MAGI1: variants seen among roughly 807,000 people sequenced by gnomAD.
MAGI1 encodes membrane associated guanylate kinase, WW and PDZ domain containing 1.
MAGI1 carries 58 observed loss-of-function variants against 139.9 expected under a neutral mutation model. The ratio of observed to expected loss-of-function variants is 0.41; its 90% confidence interval spans 0.34 to 0.52. MAGI1 has a LOEUF of 0.52. Among genes scored for constraint, MAGI1 ranks in the 20% least tolerant of loss-of-function variants. The pLI, the probability that MAGI1 is intolerant of heterozygous loss-of-function variation, is 0.12. For synonymous variants in MAGI1, 812 were observed against 737.9 expected, an observed-to-expected ratio of 1.10 and a Z score of -1.63; for missense variants, 1,874 against 1,901.6, an observed-to-expected ratio of 0.99 and a Z score of 0.27.
chr3:65,688,291 G>T, intron 1 of MAGI1: 1 of 831,448 alleles, frequency 1.2e-6, no homozygotes, highest in Non-Finnish European at 2.0e-6. Flanking sequence ...AAGATCCTTG[G>T]CCAGGAGGGT....
chr3:65,735,356 C>CATGTGTGTGT (rs1553699336), intron 1 of MAGI1, among the ~76,000 whole-genome samples: 24 of 148,180 alleles, frequency 1.6e-4, no homozygotes, highest in African/African-American at 5.3e-4. Context: ...TGTGTCTGCA[C>CATGTGTGTGT]GTGTGTGTGT....
intron 12 of MAGI1, among the ~76,000 whole-genome samples, chr3:65,402,454 C>A (rs78026541): frequency 6.6e-6 from 1 of 152,096 alleles, no homozygotes; most frequent in South Asian, 2.1e-4. Context: ...GAAAATAAAG[C>A]GTACACTGGT....
intron 1 of MAGI1, among the ~76,000 whole-genome samples, chr3:65,951,032 GAA>G (rs879894085): frequency 0.047 from 3,558 of 75,510 alleles, 333 homozygotes; most frequent in Middle Eastern, 0.083. Context: ...AGGAAGGAAG[GAA>G]GGAAAGGAGG....
intron 1 of MAGI1, chr3:65,687,551 G>A (rs1272170320): frequency 1.6e-5 from 6 of 373,550 alleles, no homozygotes; most frequent in Admixed American, 3.7e-5. Context: ...AATAAACAAT[G>A]TGATTGACAA....
chr3:65,955,194 T>C (rs1326671347), intron 1 of MAGI1, among the ~76,000 whole-genome samples: 1 of 152,122 alleles, frequency 6.6e-6, no homozygotes, highest in Non-Finnish European at 1.5e-5. Flanking sequence ...TAGAGGTAAA[T>C]AACTTTTTAA....
intron 2 of MAGI1, among the ~76,000 whole-genome samples, chr3:65,589,648 G>T (rs961925103): frequency 2.0e-5 from 3 of 151,940 alleles, no homozygotes; most frequent in African/African-American, 7.3e-5. Flanking sequence ...GGCTTTGGAG[G>T]CTGTGTAGTC....
intron 1 of MAGI1, among the ~76,000 whole-genome samples, chr3:65,919,461 G>A (rs1056181298): frequency 2.6e-5 from 4 of 151,824 alleles, no homozygotes; most frequent in Non-Finnish European, 5.9e-5. Context: ...TACTTGGGAG[G>A]CTAAGGGGGA....
intron 1 of MAGI1, among the ~76,000 whole-genome samples, chr3:65,810,888 T>G (rs1449836184): frequency 6.6e-6 from 1 of 152,212 alleles, no homozygotes; most frequent in Non-Finnish European, 1.5e-5. Flanking sequence ...GATTACATAT[T>G]TCAGGAGGGC....
intron 1 of MAGI1, among the ~76,000 whole-genome samples, chr3:65,739,072 T>C (rs1322213028): frequency 6.6e-6 from 1 of 152,234 alleles, no homozygotes; most frequent in Non-Finnish European, 1.5e-5. Context: ...ATTCTTCCAA[T>C]AGAAGGCTGT....
At chr3:65,472,580 A>G (rs1465848728) in intron 4 of MAGI1, among the ~76,000 whole-genome samples, 1 of 152,174 alleles carries the variant, frequency 6.6e-6, no homozygotes, top group Non-Finnish European at 1.5e-5. Context: ...TGAACCTGTC[A>G]TTTTCCAGAA....
At chr3:65,784,901 G>T (rs1260210483) in intron 1 of MAGI1, among the ~76,000 whole-genome samples, 1 of 152,152 alleles carries the variant, frequency 6.6e-6, no homozygotes, top group Non-Finnish European at 1.5e-5. Flanking sequence ...GAAATGTCCA[G>T]AATAGGCAAA....
intron 2 of MAGI1, among the ~76,000 whole-genome samples, chr3:65,609,228 G>C (rs1352278345): frequency 6.6e-6 from 1 of 152,052 alleles, no homozygotes; most frequent in Non-Finnish European, 1.5e-5. Context: ...ATGCAGTTAA[G>C]ATTTTTATAA....
intron 1 of MAGI1, among the ~76,000 whole-genome samples, chr3:65,929,881 T>C (rs1418723433): frequency 1.3e-5 from 2 of 152,276 alleles, no homozygotes; most frequent in East Asian, 3.9e-4. Flanking sequence ...TGGGGTCTAA[T>C]CCATTCTTTG....
chr3:65,375,579 G>A (rs1942437322), intron 18 of MAGI1, among the ~76,000 whole-genome samples, 166 bp downstream of exon 18: 1 of 152,112 alleles, frequency 6.6e-6, no homozygotes, highest in African/African-American at 2.4e-5. Flanking sequence ...AATGGCTCAC[G>A]TTTACCTGAT....
intron 1 of MAGI1, among the ~76,000 whole-genome samples, chr3:65,966,182 A>C (rs2107138241): frequency 6.6e-6 from 1 of 152,344 alleles, no homozygotes; most frequent in African/African-American, 2.4e-5. Context: ...GAAGCTAAAC[A>C]GGTGACCAAT....
intron 16 of MAGI1, among the ~76,000 whole-genome samples, chr3:65,381,392 TG>T (rs1370118718): frequency 6.6e-5 from 10 of 151,990 alleles, no homozygotes; most frequent in African/African-American, 2.4e-4. Context: ...GACCTAGAAC[TG>T]GCCAGCTCTA....
At chr3:65,800,490 T>C (rs563722455) in intron 1 of MAGI1, among the ~76,000 whole-genome samples, 22 of 152,272 alleles carry the variant, frequency 1.4e-4, no homozygotes, top group South Asian at 2.1e-4. Flanking sequence ...GTGAGTCCAA[T>C]TGTCCAGTCT....
At chr3:65,736,490 G>A (rs1172172726) in intron 1 of MAGI1, among the ~76,000 whole-genome samples, 1 of 152,128 alleles carries the variant, frequency 6.6e-6, no homozygotes, top group Non-Finnish European at 1.5e-5. Flanking sequence ...GCAAGCTAAA[G>A]AACCAAGAAA....
intron 2 of MAGI1, among the ~76,000 whole-genome samples, chr3:65,545,389 G>A (rs1403807751): frequency 6.6e-6 from 1 of 152,086 alleles, no homozygotes; most frequent in African/African-American, 2.4e-5. Flanking sequence ...GTATATACAT[G>A]GAACTCCTGA....
Sources: gnomAD v4.1 joint callset for allele counts (sites outside exome capture counted in the v4.1 genomes callset) on GRCh38, gnomAD v4.1.1 for gene constraint, MANE v1.5 for transcripts, NCBI Gene and HGNC (gene_info 2026-07-23, HGNC 2026-07-21) for gene names.